PRLR: variants seen among roughly 807,000 people sequenced by gnomAD.
PRLR encodes the protein hPRL receptor.
In PRLR, 13 loss-of-function variants were observed where a neutral mutation model predicts 40.2. The observed-to-expected ratio is 0.32, with a 90% CI of 0.21 to 0.51. The LOEUF is 0.51. PRLR is among the 20% of genes least tolerant of loss of function. The pLI is 0.97. For synonymous variants in PRLR, 269 were observed against 278.7 expected (o/e 0.97, Z 0.35); for missense variants, 656 against 747.3 (o/e 0.88, Z 1.42).
chr5:35,100,529 T>C (rs371134977), intron 2 of PRLR, among the ~76,000 whole-genome samples: 7 of 152,194 alleles, frequency 4.6e-5, no homozygotes, highest in Admixed American at 2.6e-4. Flanking sequence ...TGTGTTACAA[T>C]TGCATGTAGT....
At chr5:35,222,310 A>G (rs913612479) in intron 1 of PRLR, among the ~76,000 whole-genome samples, 5 of 152,276 alleles carry the variant, frequency 3.3e-5, no homozygotes, top group Admixed American at 3.3e-4. Context: ...CAAAAGAAAA[A>G]AAAAAAGCAG....
At position 35,061,882 on chromosome 5, in the gene PRLR, G is replaced by C. The variant is rs1769060115; in HGVS notation, c.*3207C>G. 6.6e-6 allele frequency: 1 copy of C among 152,160 alleles called. No homozygotes were observed. The highest frequency in any genetic ancestry group is 6.5e-5 in the Admixed American group (1 of 15,276). 9.4% of individuals were successfully genotyped at this position (152,160 alleles called of 1,614,324 possible). A position where few individuals can be genotyped will look rare whatever the true frequency, so the allele number is the denominator to read the frequency against. On this transcript the variant is annotated 3_prime_UTR_variant, in exon 10 of 10. Transcript: ENST00000618457. ...ATTAACAGCCAAATATAAGAAAAGA[G>C]ATTTGGGGCTGTTGGATTCAGCAAG... is the stretch of plus-strand genomic sequence containing the variant.
chr5:35,148,409 C>T (rs58251930), intron 1 of PRLR, among the ~76,000 whole-genome samples: 1 of 152,022 alleles, frequency 6.6e-6, no homozygotes, highest in Non-Finnish European at 1.5e-5. Context: ...GAAAAAAAGG[C>T]TTAATTTTAT....
intron 1 of PRLR, among the ~76,000 whole-genome samples, chr5:35,170,708 C>T (rs916317524): frequency 6.6e-6 from 1 of 152,056 alleles, no homozygotes; most frequent in African/African-American, 2.4e-5. Context: ...CAAGAACCTA[C>T]CTCTAAAAAA....
At chr5:35,068,105 A>G in intron 9 of PRLR, 111 bp downstream of exon 9, 1 of 1,008,164 alleles carries the variant, frequency 9.9e-7, no homozygotes, top group Non-Finnish European at 1.6e-6. Flanking sequence ...ACAGTCCAAA[A>G]AGGCTGGCTG....
chr5:35,106,479 C>CA (rs1772258412), intron 2 of PRLR, among the ~76,000 whole-genome samples: 1 of 152,078 alleles, frequency 6.6e-6, no homozygotes, highest in African/African-American at 2.4e-5. Flanking sequence ...ATTCAGGAGA[C>CA]CCACTTCTCA....
chr5:35,049,790 A>G (rs936171420), intron 8 of PRLR, among the ~76,000 whole-genome samples: 10 of 152,164 alleles, frequency 6.6e-5, no homozygotes, highest in Admixed American at 3.9e-4. Flanking sequence ...TTCTTCAGAT[A>G]AGTTCCTTGA....
chr5:35,136,236 T>C (rs1188246741), intron 1 of PRLR, among the ~76,000 whole-genome samples: 1 of 152,180 alleles, frequency 6.6e-6, no homozygotes, highest in East Asian at 1.9e-4. Context: ...TGAACCCATA[T>C]AAGGTTCAAA....
At chr5:35,111,436 T>C (rs1772653541) in intron 2 of PRLR, among the ~76,000 whole-genome samples, 2 of 152,222 alleles carry the variant, frequency 1.3e-5, no homozygotes, top group Admixed American at 6.5e-5. Flanking sequence ...TGTATCCTTT[T>C]AGGGTAATAT....
chr5:35,070,459 A>C (rs1769677078), intron 6 of PRLR, among the ~76,000 whole-genome samples, 194 bp from the exon 7 acceptor site: 1 of 152,208 alleles, frequency 6.6e-6, no homozygotes, highest in Non-Finnish European at 1.5e-5. Flanking sequence ...CAGGTTTTCT[A>C]TCTCTCCATT....
At chr5:35,169,757 T>C (rs752902384) in intron 1 of PRLR, among the ~76,000 whole-genome samples, 3 of 152,230 alleles carry the variant, frequency 2.0e-5, no homozygotes, top group East Asian at 1.9e-4. Flanking sequence ...TATACGACTT[T>C]TGGACATCAC....
At chr5:35,052,801 TAGAC>T (rs1768544388), downstream of PRLR, among the ~76,000 whole-genome samples, 1 of 152,172 alleles carries the variant, frequency 6.6e-6, no homozygotes, top group African/African-American at 2.4e-5. Context: ...AAGAAAAATC[TAGAC>T]AGACAGGCCT....
chr5:35,166,764 A>G lies in PRLR; in HGVS notation c.-105-48642T>C, dbSNP rs188937596. 1.9e-3 allele frequency among the ~76,000 whole-genome samples: 284 copies of G among 152,290 alleles called. 1 individual carries two copies. Among genetic ancestry groups the G allele is most frequent in the African/African-American group, 6.3e-3 (264 of 41,588 alleles). ...TGTGAGGCACACATATAATGGCCAC[A>G]CTGCAGAACTCTTACAATCCTTGCA... is the stretch of plus-strand genomic sequence containing the variant. On this transcript the variant is annotated intron_variant, in intron 1 of 9. Transcript: ENST00000618457.
At chr5:35,078,055 G>A (rs554135573) in intron 5 of PRLR, among the ~76,000 whole-genome samples, 17 of 152,334 alleles carry the variant, frequency 1.1e-4, no homozygotes, top group Admixed American at 9.8e-4. Flanking sequence ...ATTTAAAGCA[G>A]TGTGTAGAGG....
chr5:35,133,211 T>C (rs1471506457), intron 1 of PRLR, among the ~76,000 whole-genome samples: 1 of 152,206 alleles, frequency 6.6e-6, no homozygotes, highest in Non-Finnish European at 1.5e-5. Flanking sequence ...AGAATAAGAC[T>C]GAATTACACC....
intron 5 of PRLR, 124 bp downstream of exon 5, chr5:35,084,346 C>A: frequency 2.1e-6 from 2 of 940,110 alleles, no homozygotes; most frequent in Non-Finnish European, 3.1e-6. Context: ...ACAAGCATAT[C>A]GTGAGTTTTC....
chr5:35,152,015 G>C (rs1038009659), intron 1 of PRLR, among the ~76,000 whole-genome samples: 1 of 152,090 alleles, frequency 6.6e-6, no homozygotes, highest in African/African-American at 2.4e-5. Context: ...ATAATAGAAA[G>C]GTGTTTTTCA....
intron 2 of PRLR, among the ~76,000 whole-genome samples, chr5:35,102,512 T>TCTCCC (rs1771961412): frequency 7.9e-6 from 1 of 127,112 alleles, no homozygotes; most frequent in Admixed American, 7.7e-5. Flanking sequence ...TCTCCTCTCC[T>TCTCCC]CTCCTCTCCT....
rs16872171 is a variant in PRLR at position 35,134,485 on chromosome 5, A to G, written c.-105-16363T>C. Among the ~76,000 whole-genome samples, 776 of 152,322 alleles carry G rather than the reference A, an allele frequency of 5.1e-3. 6 individuals are homozygous for G. Among genetic ancestry groups the G allele is most frequent in the African/African-American group, 0.017 (726 of 41,566 alleles). ...TTGTGTTTGGATAAATTTAAACACC[A>G]AGTTACAAAGTTGAAGATTAAACTA... On this transcript the variant is annotated intron_variant, in intron 1 of 9. Coordinates refer to ENST00000618457, the MANE Select transcript of PRLR (RefSeq NM_000949.7).
Sources: allele counts gnomAD v4.1 joint callset (sites outside exome capture counted in the v4.1 genomes callset), GRCh38; gene constraint gnomAD v4.1.1; transcripts MANE v1.5; gene names NCBI Gene and HGNC (gene_info 2026-07-23, HGNC 2026-07-21).